The following CDH13 variants were observed in gnomAD, a reference collection of about 807,000 sequenced individuals.
CDH13 encodes the protein cadherin-13.
In CDH13, 24 loss-of-function variants were observed where a neutral mutation model predicts 63.8. The observed-to-expected ratio is 0.38, with a 90% CI of 0.27 to 0.53. The LOEUF (loss-of-function observed/expected upper bound fraction) is 0.53. Among genes scored for constraint, CDH13 ranks in the 20% least tolerant of loss-of-function variants. The probability of loss-of-function intolerance (pLI) is 0.85; values close to 1 mark genes in which losing one functional copy is unlikely to be tolerated. For synonymous variants in CDH13, 503 were observed against 355.3 expected (o/e 1.42, Z -4.67); for missense variants, 1,049 against 903.1 (o/e 1.16, Z -2.07).
chr16:82,699,333 C>T (rs571882697), intron 1 of CDH13, among the ~76,000 whole-genome samples: 2 of 152,106 alleles, frequency 1.3e-5, no homozygotes, highest in South Asian at 4.1e-4. Context: ...GGAGGACCAC[C>T]GGTAGTAGGG....
At chr16:83,674,253 G>A (rs771330371) in intron 9 of CDH13, among the ~76,000 whole-genome samples, 1 of 152,190 alleles carries the variant, frequency 6.6e-6, no homozygotes, top group Non-Finnish European at 1.5e-5. Context: ...AACAGTTCCA[G>A]GTGGCAGAGA....
intron 3 of CDH13, among the ~76,000 whole-genome samples, chr16:83,043,412 A>G (rs1917494214): frequency 6.6e-6 from 1 of 152,182 alleles, no homozygotes. Flanking sequence ...TATGTCATTT[A>G]AAGTTTTCTT....
At chr16:83,022,920 G>C (rs1915477630) in intron 2 of CDH13, 1 of 152,184 alleles carries the variant, frequency 6.6e-6, no homozygotes, top group Admixed American at 6.5e-5. Context: ...AAGCAGGACT[G>C]TTCTATATTT....
intron 1 of CDH13, among the ~76,000 whole-genome samples, chr16:82,834,308 CAG>C (rs1204262527): frequency 6.6e-6 from 1 of 152,112 alleles, no homozygotes; most frequent in Non-Finnish European, 1.5e-5. Flanking sequence ...TGTACTGAAA[CAG>C]AGGCAAGAGA....
intron 11 of CDH13, among the ~76,000 whole-genome samples, chr16:83,759,103 A>G (rs1274914238): frequency 6.6e-6 from 1 of 152,266 alleles, no homozygotes; most frequent in Non-Finnish European, 1.5e-5. Context: ...ATCTTGAAGA[A>G]TAAGTTGTAG....
intron 8 of CDH13, among the ~76,000 whole-genome samples, chr16:83,610,511 C>A (rs932859956): frequency 2.0e-5 from 3 of 152,148 alleles, no homozygotes; most frequent in African/African-American, 7.2e-5. Context: ...AGTCCCACCA[C>A]CTGCTCGGTA....
At chr16:83,584,415 G>T (rs1347048825) in intron 7 of CDH13, among the ~76,000 whole-genome samples, 1 of 152,224 alleles carries the variant, frequency 6.6e-6, no homozygotes, top group East Asian at 1.9e-4. Flanking sequence ...TGGTTTATTG[G>T]GACACGATGT....
intron 8 of CDH13, among the ~76,000 whole-genome samples, chr16:83,648,000 C>G (rs1003293281): frequency 2.6e-5 from 4 of 152,224 alleles, no homozygotes; most frequent in South Asian, 2.1e-4. Flanking sequence ...TATCCCAGTT[C>G]TTCGCCTAAG....
chr16:82,650,573 G>T (rs1464527053), intron 1 of CDH13, among the ~76,000 whole-genome samples: 2 of 152,140 alleles, frequency 1.3e-5, no homozygotes, highest in East Asian at 3.9e-4. Context: ...AGGGTTTGCT[G>T]GGCCCCAAAA....
chr16:82,710,752 ATATT>A (rs1235519860), intron 1 of CDH13, among the ~76,000 whole-genome samples: 5 of 146,962 alleles, frequency 3.4e-5, no homozygotes, highest in Admixed American at 6.8e-5. Context: ...ATATATTTGT[ATATT>A]TATAAAATAT....
chr16:82,840,320 C>T (rs2038951844), intron 1 of CDH13, among the ~76,000 whole-genome samples: 1 of 151,376 alleles, frequency 6.6e-6, no homozygotes, highest in Non-Finnish European at 1.5e-5. Flanking sequence ...CCTTTATTGC[C>T]CTAAAATGTC....
At chr16:82,936,282 C>A (rs993184394) in intron 2 of CDH13, among the ~76,000 whole-genome samples, 1 of 152,112 alleles carries the variant, frequency 6.6e-6, no homozygotes, top group African/African-American at 2.4e-5. Flanking sequence ...AAAAGAAAAG[C>A]CTTACCAAGG....
At chr16:83,164,655 G>C (rs1043728080) in intron 4 of CDH13, among the ~76,000 whole-genome samples, 3 of 151,100 alleles carry the variant, frequency 2.0e-5, no homozygotes, top group Non-Finnish European at 2.9e-5. Context: ...GGGAGGCGGA[G>C]GTTGCAGTGA....
chr16:83,222,327 T>C (rs1772543023), intron 5 of CDH13, among the ~76,000 whole-genome samples: 1 of 152,226 alleles, frequency 6.6e-6, no homozygotes, highest in Non-Finnish European at 1.5e-5. Flanking sequence ...CTCATATATT[T>C]TCTTTTGTTA....
intron 6 of CDH13, among the ~76,000 whole-genome samples, chr16:83,378,133 C>G (rs1019044119): frequency 6.6e-6 from 1 of 152,226 alleles, no homozygotes; most frequent in Non-Finnish European, 1.5e-5. Flanking sequence ...GCATCACCAT[C>G]ATCACTACGA....
At chr16:83,157,680 G>A (rs1239753173) in intron 4 of CDH13, among the ~76,000 whole-genome samples, 21 of 146,880 alleles carry the variant, frequency 1.4e-4, no homozygotes, top group African/African-American at 5.0e-4. Flanking sequence ...AGATCACAAA[G>A]TTAGGAGATT....
intron 3 of CDH13, among the ~76,000 whole-genome samples, chr16:83,076,698 G>C (rs2032868105): frequency 6.6e-6 from 1 of 151,862 alleles, no homozygotes; most frequent in Non-Finnish European, 1.5e-5. Context: ...GCATTTCAAA[G>C]TAAGCAACAG....
At chr16:83,542,766 T>C (rs1242328780) in intron 7 of CDH13, among the ~76,000 whole-genome samples, 10 of 152,230 alleles carry the variant, frequency 6.6e-5, no homozygotes, top group Non-Finnish European at 1.5e-4. Flanking sequence ...GTCTTCACAT[T>C]GTTTTCCTTG....
intron 2 of CDH13, among the ~76,000 whole-genome samples, chr16:82,886,397 T>C (rs1364974776): frequency 6.6e-6 from 1 of 152,218 alleles, no homozygotes; most frequent in Non-Finnish European, 1.5e-5. Context: ...AGTGTATGTG[T>C]TATCACTGCA....
Sources: gnomAD v4.1 joint callset for allele counts (sites outside exome capture counted in the v4.1 genomes callset) on GRCh38, gnomAD v4.1.1 for gene constraint, MANE v1.5 for transcripts, NCBI Gene and HGNC (gene_info 2026-07-23, HGNC 2026-07-21) for gene names.